Variants in HDAC9 observed in about 807,000 individuals in gnomAD.
HDAC9 encodes the protein MEF-2 interacting transcription repressor (MITR) protein.
HDAC9 carries 41 observed loss-of-function variants against 139.4 expected under a neutral mutation model. The ratio of observed to expected loss-of-function variants is 0.29; its 90% CI spans 0.23 to 0.38. HDAC9 has a LOEUF of 0.38. HDAC9 is among the 10% of genes least tolerant of loss of function. The pLI, the probability that HDAC9 is intolerant of heterozygous loss-of-function variation, is 1.00. For synonymous variants in HDAC9, 517 were observed against 476.2 expected, an observed-to-expected ratio of 1.09 and a Z score of -1.12; for missense variants, 1,147 against 1,297.0, an observed-to-expected ratio of 0.88 and a Z score of 1.78.
intron 2 of HDAC9, 90 bp from the exon 3 acceptor site, chr7:18,585,191 T>C (rs1393536842): frequency 1.4e-6 from 2 of 1,443,834 alleles, no homozygotes; most frequent in Non-Finnish European, 1.9e-6. Context: ...CAGGGTCTTA[T>C]ACTTTTTATT....
intron 1 of HDAC9, among the ~76,000 whole-genome samples, chr7:18,445,448 C>G (rs76899093): frequency 0.035 from 5,348 of 152,052 alleles, 119 homozygotes; most frequent in African/African-American, 0.067. Context: ...AAATAATATC[C>G]CTAACTATAT....
intron 6 of HDAC9, among the ~76,000 whole-genome samples, chr7:18,621,914 G>A (rs1368204422): frequency 6.6e-6 from 1 of 152,176 alleles, no homozygotes; most frequent in African/African-American, 2.4e-5. Flanking sequence ...CATAACTGTA[G>A]TGATTACTGA....
At chr7:18,099,655 G>C (rs1392800477) in intron 1 of HDAC9, among the ~76,000 whole-genome samples, 1 of 152,016 alleles carries the variant, frequency 6.6e-6, no homozygotes, top group East Asian at 1.9e-4. Flanking sequence ...AAGCCAAGTG[G>C]GAAAGTGTAG....
chr7:18,174,023 A>G (rs1267113079), intron 2 of HDAC9, among the ~76,000 whole-genome samples: 1 of 152,176 alleles, frequency 6.6e-6, no homozygotes, highest in Non-Finnish European at 1.5e-5. Flanking sequence ...GTTCTCCTCG[A>G]TAATATCCTG....
intron 19 of HDAC9, among the ~76,000 whole-genome samples, chr7:18,833,419 C>G (rs1796002557): frequency 6.6e-6 from 1 of 152,094 alleles, no homozygotes; most frequent in African/African-American, 2.4e-5. Context: ...CATTTATGCT[C>G]AAACCAAATG....
chr7:18,088,382 A>G (rs143387362), intron 1 of HDAC9, among the ~76,000 whole-genome samples: 1 of 152,220 alleles, frequency 6.6e-6, no homozygotes, highest in African/African-American at 2.4e-5. Context: ...TTTAGGAATT[A>G]CAAGTATTCA....
chr7:18,426,046 T>C (rs765469799), intron 1 of HDAC9, among the ~76,000 whole-genome samples: 9 of 152,224 alleles, frequency 5.9e-5, no homozygotes, highest in Non-Finnish European at 1.0e-4. Flanking sequence ...CACAGTGATA[T>C]ACGGACACAC....
intron 1 of HDAC9, among the ~76,000 whole-genome samples, chr7:18,365,639 C>CTT (rs55696827): frequency 1.5e-3 from 228 of 148,692 alleles, no homozygotes; most frequent in Middle Eastern, 3.5e-3. Context: ...GTCTTTATGA[C>CTT]TTTTTTTTTT....
intron 22 of HDAC9, among the ~76,000 whole-genome samples, chr7:18,884,669 G>C (rs532027915): frequency 6.6e-6 from 1 of 152,276 alleles, no homozygotes; most frequent in African/African-American, 2.4e-5. Context: ...CCTTTTACAA[G>C]TCTCCCTCTG....
In HDAC9 at chr7:18,793,469, A is replaced by G. The variant is rs371928750; in HGVS notation, c.2322+17A>G. 4 of 1,472,722 alleles carry G rather than the reference A, an allele frequency of 2.7e-6. No individual in the cohort carries two copies. The highest frequency in any genetic ancestry group is 1.2e-5 in the South Asian group (1 of 82,666). The allele number at this position is 1,472,722 out of a possible 1,614,324, so 91.2% of individuals were successfully genotyped here. Reference sequence around the variant, plus strand: ...GAGCTGAAGGTGAGGTCCGGGTTGCATTAAGTGTGGGAAATCCAGAGAAGA... The same window carrying G: ...GAGCTGAAGGTGAGGTCCGGGTTGCGTTAAGTGTGGGAAATCCAGAGAAGA... On this transcript the variant is annotated intron_variant, in intron 17 of 25. Coordinates refer to ENST00000686413, the MANE Select transcript of HDAC9 (RefSeq NM_178425.4).
intron 24 of HDAC9, among the ~76,000 whole-genome samples, chr7:18,971,236 G>T (rs929209456): frequency 7.2e-5 from 11 of 152,182 alleles, no homozygotes; most frequent in Admixed American, 1.3e-4. Flanking sequence ...TCCTTAAAAA[G>T]TCCTGAAAAG....
chr7:18,414,658 A>G (rs1045541224), intron 1 of HDAC9, among the ~76,000 whole-genome samples: 2 of 152,204 alleles, frequency 1.3e-5, no homozygotes, highest in African/African-American at 4.8e-5. Context: ...GTTCTTATTG[A>G]ATAAACAGGT....
At chr7:18,704,865 C>A (rs1418524004) in intron 12 of HDAC9, among the ~76,000 whole-genome samples, 2 of 152,018 alleles carry the variant, frequency 1.3e-5, no homozygotes, top group African/African-American at 2.4e-5. Flanking sequence ...AGTAAAACAT[C>A]CATTGCCATT....
At chr7:18,806,055 G>C (rs1793678487) in intron 17 of HDAC9, among the ~76,000 whole-genome samples, 1 of 152,152 alleles carries the variant, frequency 6.6e-6, no homozygotes, top group South Asian at 2.1e-4. Flanking sequence ...CAATGAGGCT[G>C]AACTGGACTT....
chr7:18,242,313 C>G (rs1044462766), intron 2 of HDAC9, among the ~76,000 whole-genome samples: 1 of 152,100 alleles, frequency 6.6e-6, no homozygotes, highest in African/African-American at 2.4e-5. Flanking sequence ...TTTCATTAAT[C>G]CTTGTACTAT....
At chr7:18,756,779 G>T (rs1156444920) in intron 14 of HDAC9, among the ~76,000 whole-genome samples, 1 of 152,138 alleles carries the variant, frequency 6.6e-6, no homozygotes, top group African/African-American at 2.4e-5. Context: ...CTCCCAACTT[G>T]CAATTCTCTT....
At chr7:18,162,690 G>A (rs935246440) in intron 2 of HDAC9, 2 of 237,334 alleles carry the variant, frequency 8.4e-6, no homozygotes, top group African/African-American at 4.6e-5. Flanking sequence ...GTCCTAACAT[G>A]TGTCTGTATG....
intron 25 of HDAC9, among the ~76,000 whole-genome samples, chr7:18,978,588 A>T (rs1784699724): frequency 6.6e-6 from 1 of 152,178 alleles, no homozygotes; most frequent in Non-Finnish European, 1.5e-5. Context: ...GGGTCAACAA[A>T]ACAAAACAAC....
At chr7:18,099,025 G>A (rs1782685212) in intron 1 of HDAC9, among the ~76,000 whole-genome samples, 1 of 152,108 alleles carries the variant, frequency 6.6e-6, no homozygotes, top group African/African-American at 2.4e-5. Context: ...AATGAGGAAG[G>A]GAACTTTCCT....
Sources: gnomAD v4.1 joint callset for allele counts (sites outside exome capture counted in the v4.1 genomes callset) on GRCh38, gnomAD v4.1.1 for gene constraint, MANE v1.5 for transcripts, NCBI Gene and HGNC (gene_info 2026-07-23, HGNC 2026-07-21) for gene names.